The following PELI1 variants were observed in gnomAD, a reference collection of about 807,000 sequenced individuals.
The protein encoded by PELI1 is pellino E3 ubiquitin protein ligase 1.
A neutral mutation model predicts 41.3 loss-of-function variants in PELI1; 15 were observed. The ratio of observed to expected loss-of-function variants is 0.36; its 90% CI spans 0.24 to 0.56. The LOEUF is 0.56. Among genes scored for constraint, PELI1 ranks in the 20% least tolerant of loss-of-function variants. PELI1 has a pLI of 0.82. For missense variants in PELI1, 403 were observed against 525.5 expected, an observed-to-expected ratio of 0.77 and a Z score of 2.28; for synonymous variants, 178 against 180.1, an observed-to-expected ratio of 0.99 and a Z score of 0.09.
At chr2:64,137,300 T>G (rs1230713942) in intron 1 of PELI1, among the ~76,000 whole-genome samples, 1 of 152,210 alleles carries the variant, frequency 6.6e-6, no homozygotes, top group East Asian at 1.9e-4. Flanking sequence ...CAGATTCATC[T>G]CTTAACACTA....
At chr2:64,120,639 T>C (rs17028445) in intron 1 of PELI1, among the ~76,000 whole-genome samples, 3,408 of 152,278 alleles carry the variant, frequency 0.022, 77 homozygotes, top group Middle Eastern at 0.068. Flanking sequence ...CCTAAGTAAA[T>C]GGCTATCCAG....
intron 5 of PELI1, 49 bp downstream of exon 5, chr2:64,096,364 A>G: frequency 1.9e-6 from 3 of 1,599,206 alleles, no homozygotes; most frequent in Non-Finnish European, 2.6e-6. Context: ...GTAACTTGGA[A>G]TGAAAGCTAG....
intron 1 of PELI1, among the ~76,000 whole-genome samples, chr2:64,136,447 T>C (rs1681719960): frequency 6.6e-6 from 1 of 152,194 alleles, no homozygotes; most frequent in African/African-American, 2.4e-5. Context: ...ATTAAAGAAC[T>C]AGATTCCTAA....
Position 64,144,347 on chromosome 2 carries a change from T to A in PELI1, c.-336A>T. 1 of 152,078 alleles carries A rather than the reference T, an allele frequency of 6.6e-6. No individual in the cohort carries two copies. The highest frequency in any genetic ancestry group is 1.9e-4 in the East Asian group (1 of 5,164). 9.4% of individuals were successfully genotyped at this position (152,078 alleles called of 1,614,324 possible). A position where few individuals can be genotyped will look rare whatever the true frequency, so the allele number is the denominator to read the frequency against. On this transcript the variant is annotated 5_prime_UTR_variant, in exon 1 of 7. Transcript: ENST00000358912. ...GACCGCACCGCGGGACTAGGGCTGC[T>A]GCCGCTGCTGCTAGTGGAGGCGGCG...
intron 1 of PELI1, among the ~76,000 whole-genome samples, chr2:64,110,650 A>G (rs527592417): frequency 6.6e-6 from 1 of 152,300 alleles, no homozygotes; most frequent in Non-Finnish European, 1.5e-5. Flanking sequence ...ATACAGTTAG[A>G]TGTAGTTCTA....
chr2:64,127,505 T>G (rs1681428746), intron 1 of PELI1, among the ~76,000 whole-genome samples: 1 of 152,232 alleles, frequency 6.6e-6, no homozygotes, highest in Non-Finnish European at 1.5e-5. Context: ...TTTTTTATTT[T>G]AAGTTTATTT....
In PELI1 at chr2:64,108,365, CT is replaced by C; in HGVS notation, c.-56del. On this transcript the variant is annotated 5_prime_UTR_variant, in exon 2 of 7. The change abolishes the stop of an existing upstream ORF in the 5' untranslated region. Coordinates refer to ENST00000358912, the MANE Select transcript of PELI1 (RefSeq NM_020651.4). ...TCACTGGTCAGGAGCCTTGGGACACCTTTTGCATTATTTCCTAGAGGGGAAA... is the reference window on the plus strand; with the variant it reads ...TCACTGGTCAGGAGCCTTGGGACACCTTTGCATTATTTCCTAGAGGGGAAA... 9.8e-7 allele frequency: 1 copy of C among 1,022,302 alleles called. No homozygotes were observed. Among genetic ancestry groups the C allele is most frequent in the Non-Finnish European group, 1.5e-6 (1 of 650,200 alleles). The allele number at this position is 1,022,302 out of a possible 1,614,324, so 63.3% of individuals were successfully genotyped here. A position where few individuals can be genotyped will look rare whatever the true frequency, so the allele number is the denominator to read the frequency against.
chr2:64,101,021 C>T (rs1440952217), intron 3 of PELI1, among the ~76,000 whole-genome samples: 3 of 152,174 alleles, frequency 2.0e-5, no homozygotes, highest in Admixed American at 6.5e-5. Flanking sequence ...TGAGCCACTG[C>T]GCCCGGCCCA....
chr2:64,123,308 T>C (rs1477087118), intron 1 of PELI1, among the ~76,000 whole-genome samples: 1 of 152,270 alleles, frequency 6.6e-6, no homozygotes, highest in Non-Finnish European at 1.5e-5. Flanking sequence ...TACTCCCACT[T>C]TGTGGGCTGT....
chr2:64,106,791 A>G (rs1201287601), intron 2 of PELI1, among the ~76,000 whole-genome samples: 1 of 152,174 alleles, frequency 6.6e-6, no homozygotes, highest in Non-Finnish European at 1.5e-5. Flanking sequence ...TGATTTCCCC[A>G]GTTTCTCTTA....
At chr2:64,140,356 G>T (rs542404592) in intron 1 of PELI1, among the ~76,000 whole-genome samples, 3 of 152,166 alleles carry the variant, frequency 2.0e-5, no homozygotes, top group African/African-American at 7.2e-5. Flanking sequence ...AGGTGTAAAG[G>T]TATTACAGGG....
At chr2:64,119,172 T>C (rs902785321) in intron 1 of PELI1, among the ~76,000 whole-genome samples, 2 of 152,174 alleles carry the variant, frequency 1.3e-5, no homozygotes, top group African/African-American at 4.8e-5. Flanking sequence ...CCTTGGAGCT[T>C]GAGATTTATT....
Position 64,096,615 on chromosome 2 carries a change from G to T in PELI1, c.304-5C>A. ...GCTTTCAGTCGACCGGCCAATCTGA[G>T]GGAAAAAAAAAAATACCTATAAACC... On this transcript the variant is annotated splice_polypyrimidine_tract_variant and splice_region_variant and intron_variant, in intron 4 of 6. Transcript: ENST00000358912. 1 of 1,585,462 alleles carries T rather than the reference G, an allele frequency of 6.3e-7. No individual in the cohort carries two copies. The highest frequency in any genetic ancestry group is 2.2e-5 in the East Asian group (1 of 44,676).
intron 1 of PELI1, among the ~76,000 whole-genome samples, chr2:64,115,742 A>G (rs1680968626): frequency 6.6e-6 from 1 of 152,228 alleles, no homozygotes; most frequent in Non-Finnish European, 1.5e-5. Flanking sequence ...CACACCCTAG[A>G]CAAGGTAGAA....
chr2:64,144,109 G>A lies in PELI1; in HGVS notation c.-98C>T, dbSNP rs1682024285. The A allele has an allele frequency of 6.6e-6, 1 of 151,960 alleles. No homozygotes were observed. Among genetic ancestry groups the A allele is most frequent in the Non-Finnish European group, 1.5e-5 (1 of 67,940 alleles). The allele number at this position is 151,960 out of a possible 1,614,324, so 9.4% of individuals were successfully genotyped here. A position where few individuals can be genotyped will look rare whatever the true frequency, so the allele number is the denominator to read the frequency against. On this transcript the variant is annotated 5_prime_UTR_variant, in exon 1 of 7. Coordinates refer to ENST00000358912, the MANE Select transcript of PELI1 (RefSeq NM_020651.4). ...ACAATTGCTGGTGGCCGGGATCCCA[G>A]AGCGGCCCCCGAGACCCGAGGCGAG...
chr2:64,113,300 GA>G (rs57291699), intron 1 of PELI1, among the ~76,000 whole-genome samples: 4,932 of 131,744 alleles, frequency 0.037, 75 homozygotes, highest in African/African-American at 0.039. Context: ...CAAAAAAAAA[GA>G]AAAAAAAAAA....
chr2:64,096,531 T>C lies in PELI1; in HGVS notation c.383A>G (p.Gln128Arg), dbSNP rs1272417647. Residue 128 changes from glutamine (Q) to arginine (R), a missense_variant, in exon 5 of 7, where the codon CAG becomes CGG. Physicochemically the swap from Gln to Arg is conservative, Grantham distance 43 (BLOSUM62 1). Coordinates refer to ENST00000358912, the MANE Select transcript of PELI1 (RefSeq NM_020651.4). ...TCTTGATATAGTGCTTTGTACTGACTGTGTATCAGAATTACTTTGACTTCC... is the reference window on the plus strand; with the variant it reads ...TCTTGATATAGTGCTTTGTACTGACCGTGTATCAGAATTACTTTGACTTCC... ...VPGSQSNSDT[Q>R]SVQSTISRFA... 6.2e-7 allele frequency: 1 copy of C among 1,610,968 alleles called. No homozygotes were observed.
At chr2:64,143,593 A>G (rs1576111068) in intron 1 of PELI1, 1 of 152,214 alleles carries the variant, frequency 6.6e-6, no homozygotes, top group Non-Finnish European at 1.5e-5. Flanking sequence ...GATGAAAGGA[A>G]ATGTGAAAGA....
At chr2:64,111,489 A>G (rs1182989590) in intron 1 of PELI1, among the ~76,000 whole-genome samples, 1 of 152,212 alleles carries the variant, frequency 6.6e-6, no homozygotes, top group Non-Finnish European at 1.5e-5. Flanking sequence ...TCCATCATTC[A>G]AATACACTAA....
Sources: allele counts gnomAD v4.1 joint callset (sites outside exome capture counted in the v4.1 genomes callset), GRCh38; gene constraint gnomAD v4.1.1; transcripts MANE v1.5; gene names NCBI Gene and HGNC (gene_info 2026-07-23, HGNC 2026-07-21).